LRRC3B: variants seen among roughly 807,000 people sequenced by gnomAD.
LRRC3B encodes leucine rich repeat containing 3B.
In LRRC3B, 2 loss-of-function variants were observed where a neutral mutation model predicts 12.8. The observed-to-expected ratio is 0.16, with a 90% CI of 0.06 to 0.49. The LOEUF (loss-of-function observed/expected upper bound fraction) is 0.49. Ranked by LOEUF, LRRC3B falls within the 20% of genes least tolerant of loss-of-function variation. The pLI is 0.96. For missense variants in LRRC3B, 189 were observed against 319.4 expected, an observed-to-expected ratio of 0.59 and a Z score of 3.11; for synonymous variants, 132 against 122.0, an observed-to-expected ratio of 1.08 and a Z score of -0.54.
chr3:26,669,485 G>A (rs910990072), intron 1 of LRRC3B, among the ~76,000 whole-genome samples: 8 of 152,044 alleles, frequency 5.3e-5, no homozygotes, highest in Admixed American at 5.2e-4. Context: ...AAATTTACAA[G>A]TATTTGTGAA....
At chr3:26,673,932 G>A (rs919186864) in intron 1 of LRRC3B, among the ~76,000 whole-genome samples, 11 of 152,112 alleles carry the variant, frequency 7.2e-5, no homozygotes, top group Non-Finnish European at 1.6e-4. Context: ...GACTGCAGGA[G>A]GCCCAATTTC....
intron 1 of LRRC3B, among the ~76,000 whole-genome samples, chr3:26,637,190 G>A (rs1314143369): frequency 1.3e-5 from 2 of 151,774 alleles, no homozygotes; most frequent in Admixed American, 6.6e-5. Context: ...GGGTTTCACT[G>A]TGTTGGCCAG....
In LRRC3B at chr3:26,665,649, G is replaced by C. The variant is rs139014312; in HGVS notation, c.-161+42412G>C. On this transcript the variant is annotated intron_variant, in intron 1 of 1. Transcript: ENST00000396641. Reference sequence around the variant, plus strand: ...AAGTTTGGCTAAATAACCAAGAAAAGACCTGGAAAAATAAATTATCTTCTT... The same window carrying C: ...AAGTTTGGCTAAATAACCAAGAAAACACCTGGAAAAATAAATTATCTTCTT... 2.0e-4 allele frequency among the ~76,000 whole-genome samples: 30 copies of C among 152,214 alleles called. 1 individual carries two copies. The East Asian group carries it at 5.8e-3, about 29-fold the overall frequency.
chr3:26,649,055 G>A (rs532140145), intron 1 of LRRC3B, among the ~76,000 whole-genome samples: 3 of 152,320 alleles, frequency 2.0e-5, no homozygotes, highest in African/African-American at 7.2e-5. Context: ...CTGAAATACA[G>A]CTCATTTAGA....
rs1559350172 is a variant in LRRC3B, at chr3:26,636,893, T to TTC, written c.-161+13656_-161+13657insTC. ...TCCTTCCTTCCTTCCTTCCTTTCTC[T>TTC]CTCTCTCTCTTTCTCTCTTTCTCTC... On this transcript the variant is annotated intron_variant, in intron 1 of 1. Transcript: ENST00000396641. Among the ~76,000 whole-genome samples the TTC allele has an allele frequency of 7.7e-3, 837 of 108,902 alleles. 17 individuals are homozygous for TTC. Among genetic ancestry groups the TTC allele is most frequent in the Non-Finnish European group, 0.011 (626 of 54,764 alleles). The allele number at this position is 108,902 out of a possible 152,430, so 71.4% of individuals were successfully genotyped here.
intron 1 of LRRC3B, among the ~76,000 whole-genome samples, chr3:26,660,996 A>G (rs1337018621): frequency 6.6e-6 from 1 of 152,232 alleles, no homozygotes; most frequent in African/African-American, 2.4e-5. Context: ...ACTCTTGACC[A>G]TTATTAATGT....
intron 1 of LRRC3B, among the ~76,000 whole-genome samples, chr3:26,641,965 T>C (rs1432706935): frequency 6.6e-6 from 1 of 152,176 alleles, no homozygotes; most frequent in Non-Finnish European, 1.5e-5. Flanking sequence ...AAATGTTTAC[T>C]AATTGAAAAA....
At chr3:26,685,799 T>C (rs1700076206) in intron 1 of LRRC3B, among the ~76,000 whole-genome samples, 1 of 151,980 alleles carries the variant, frequency 6.6e-6, no homozygotes, top group African/African-American at 2.4e-5. Context: ...CCTTTCAGAC[T>C]TGGGGTTTAA....
intron 1 of LRRC3B, chr3:26,623,693 A>G (rs1698558761): frequency 6.6e-6 from 1 of 152,288 alleles, no homozygotes; most frequent in South Asian, 2.1e-4. Context: ...GTAGGGACAG[A>G]GAAGGTGAAA....
At chr3:26,623,490 C>T (rs939763746) in intron 1 of LRRC3B, among the ~76,000 whole-genome samples, 1 of 152,164 alleles carries the variant, frequency 6.6e-6, no homozygotes, top group African/African-American at 2.4e-5. Flanking sequence ...TGACCCCTTC[C>T]CTGCGCGGTG....
rs529066996 is a variant in LRRC3B at position 26,646,598 on chromosome 3, T to TAAAAAAAA, written c.-161+23392_-161+23399dup. On this transcript the variant is annotated intron_variant, in intron 1 of 1. Transcript: ENST00000396641. Reference sequence around the variant, plus strand: ...CCCAGAGGCCACTAAGGATAGGAGGTAAAAAAAAAAAAAAAAAAAAAAAAA... The same window carrying TAAAAAAAA: ...CCCAGAGGCCACTAAGGATAGGAGGTAAAAAAAAAAAAAAAAAAAAAAAAAAAAAAAAA... 1.1e-4 allele frequency among the ~76,000 whole-genome samples: 11 copies of TAAAAAAAA among 99,654 alleles called. 1 individual carries two copies. Among genetic ancestry groups the TAAAAAAAA allele is most frequent in the Admixed American group, 4.3e-4 (4 of 9,306 alleles). The allele number at this position is 99,654 out of a possible 152,430, so 65.4% of individuals were successfully genotyped here.
exon 1 of LRRC3B, chr3:26,623,162 C>A (rs1254579117): frequency 6.6e-6 from 1 of 152,354 alleles, no homozygotes; most frequent in Admixed American, 6.5e-5. Flanking sequence ...GGGCACACCC[C>A]TAAGCATACG....
intron 1 of LRRC3B, among the ~76,000 whole-genome samples, chr3:26,641,069 G>A (rs1305724254): frequency 6.6e-6 from 1 of 152,206 alleles, no homozygotes; most frequent in Non-Finnish European, 1.5e-5. Flanking sequence ...AGTAGGGACC[G>A]TGAAGGAAGC....
chr3:26,684,232 A>T (rs1700028011), intron 1 of LRRC3B, among the ~76,000 whole-genome samples: 1 of 152,198 alleles, frequency 6.6e-6, no homozygotes. Flanking sequence ...CCAGGGGTGA[A>T]AGTAGATTGT....
intron 1 of LRRC3B, among the ~76,000 whole-genome samples, chr3:26,704,550 C>A (rs935612031): frequency 6.6e-6 from 1 of 151,776 alleles, no homozygotes; most frequent in African/African-American, 2.4e-5. Context: ...TTTTTCTTTT[C>A]TGCTTTTTTT....
At chr3:26,696,314 A>AT (rs959312984) in intron 1 of LRRC3B, among the ~76,000 whole-genome samples, 2 of 152,162 alleles carry the variant, frequency 1.3e-5, no homozygotes, top group African/African-American at 2.4e-5. Context: ...TGAATTATGC[A>AT]TTTTTTTATT....
At chr3:26,650,772 AT>A (rs1699248978) in intron 1 of LRRC3B, among the ~76,000 whole-genome samples, 1 of 152,186 alleles carries the variant, frequency 6.6e-6, no homozygotes, top group South Asian at 2.1e-4. Flanking sequence ...AAGAAAATTA[AT>A]TCAGAGAAGT....
intron 1 of LRRC3B, among the ~76,000 whole-genome samples, chr3:26,650,568 A>G (rs1699243735): frequency 6.6e-6 from 1 of 151,938 alleles, no homozygotes. Flanking sequence ...TTGTAAACCA[A>G]CTCGGAGGTG....
chr3:26,645,594 A>G (rs552638169), intron 1 of LRRC3B, among the ~76,000 whole-genome samples: 3 of 152,224 alleles, frequency 2.0e-5, no homozygotes, highest in Admixed American at 6.5e-5. Flanking sequence ...TTTTCATTCA[A>G]TAAATATTTT....
Sources: gnomAD v4.1 joint callset for allele counts (sites outside exome capture counted in the v4.1 genomes callset) on GRCh38, gnomAD v4.1.1 for gene constraint, MANE v1.5 for transcripts, NCBI Gene and HGNC (gene_info 2026-07-23, HGNC 2026-07-21) for gene names.